The following DYRK1B variants were observed in gnomAD, a reference collection of about 807,000 sequenced individuals.
The protein encoded by DYRK1B is dual specificity tyrosine phosphorylation regulated kinase 1B.
A neutral mutation model predicts 57.1 loss-of-function variants in DYRK1B; 20 were observed. That is an observed-to-expected ratio of 0.35 (90% CI 0.25 to 0.51). DYRK1B has a LOEUF of 0.51. Ranked by LOEUF, DYRK1B falls within the 20% of genes least tolerant of loss-of-function variation. DYRK1B has a pLI of 0.96. For missense variants in DYRK1B, 732 were observed against 886.3 expected (o/e 0.83, Z 2.21); for synonymous variants, 409 against 384.7 (o/e 1.06, Z -0.74).
chr19:39,833,105 TTCTCCCCATGGGCCACTC>T, intron 1 of DYRK1B: 1 of 985,386 alleles, frequency 1.0e-6, no homozygotes, highest in Non-Finnish European at 1.2e-6. Context: ...AGCAAAAATC[TTCTCCCCATGGGCCACTC>T]TCTCCCCCAT....
In DYRK1B at chr19:39,829,973, T is replaced by C. The variant is rs761607041; in HGVS notation, c.427A>G (p.Lys143Glu). ...TGGTTCAGGAAAGCCTTTTTGTTCT[T>C]GATGATCTTGATGGCCACAAGCTCC... is the stretch of plus-strand genomic sequence containing the variant. ...TQELVAIKIIKNKKAFLNQAQ... is the reference protein window; with the variant it reads ...TQELVAIKIIENKKAFLNQAQ... The change falls in exon 5 of 11, where the codon AAG (lysine) becomes GAG (glutamate). Residue 143 changes from lysine (K) to glutamate (E), a missense_variant. Lys to Glu is a moderately conservative substitution (Grantham distance 56). Coordinates refer to ENST00000323039, the MANE Select transcript of DYRK1B (RefSeq NM_004714.3). The C allele has an allele frequency of 2.5e-6, 4 of 1,614,108 alleles. No individual in the cohort carries two copies. The highest frequency in any genetic ancestry group is 1.7e-5 in the Admixed American group (1 of 60,006).
Position 39,830,744 on chromosome 19 carries a change from G to A in DYRK1B, c.103C>T (p.Leu35=), listed in dbSNP as rs1426149333. ...GCTGAGGTTGCATCCCGGAAGGCCA[G>A]GGGCAGCCTCCGAGGCAGTAGCCGC... The part of the protein sequence containing the change: ...DVRLLPRRLP[L]AFRDATSAPL... Residue 35 remains leucine (L), a synonymous_variant, in exon 3 of 11, where the codon CTG becomes TTG. Transcript: ENST00000323039. The A allele has an allele frequency of 6.2e-7, 1 of 1,614,036 alleles. No individual in the cohort carries two copies. The highest frequency in any genetic ancestry group is 1.7e-5 in the Admixed American group (1 of 60,008).
At chr19:39,830,867 C>T (rs956924002) in intron 2 of DYRK1B, 84 bp from the exon 3 acceptor site, 1 of 1,473,708 alleles carries the variant, frequency 6.8e-7, no homozygotes, top group Non-Finnish European at 9.1e-7. Flanking sequence ...GCTGCTGGCA[C>T]ATCATGTATT....
At position 39,831,900 on chromosome 19, in the gene DYRK1B, C is replaced by A; in HGVS notation, c.-33G>T. On this transcript the variant is annotated 5_prime_UTR_variant, in exon 2 of 11. It adds an upstream start codon to the 5' untranslated region. Coordinates refer to ENST00000323039, the MANE Select transcript of DYRK1B (RefSeq NM_004714.3). ...TCAGAGGGCCGCAGGGGAGCGAGGC[C>A]TGGAGCGGGAGCCCGGCCGGGGGGC... 2 of 1,451,330 alleles carry A rather than the reference C, an allele frequency of 1.4e-6. No homozygotes were observed. The highest frequency in any genetic ancestry group is 1.4e-5 in the South Asian group (1 of 71,448). 89.9% of individuals were successfully genotyped at this position (1,451,330 alleles called of 1,614,324 possible).
chr19:39,831,813 G>A lies in DYRK1B; in HGVS notation c.55C>T (p.His19Tyr). Residue 19 changes from histidine (H) to tyrosine (Y), a missense_variant, in exon 2 of 11, where the codon CAC becomes TAC. His to Tyr is a moderately conservative substitution (Grantham distance 83, BLOSUM62 2). Coordinates refer to ENST00000323039, the MANE Select transcript of DYRK1B (RefSeq NM_004714.3). ...GCCAGCTGAACGCGTACCTGCGTGTGCTCCTGGGGCCCTGGGAAGCCAGAG... is the reference window on the plus strand; with the variant it reads ...GCCAGCTGAACGCGTACCTGCGTGTACTCCTGGGGCCCTGGGAAGCCAGAG... ...PFSGFPGPQEHTQVLPDVRLL... is the reference protein window; with the variant it reads ...PFSGFPGPQEYTQVLPDVRLL... The A allele has an allele frequency of 6.5e-7, 1 of 1,546,866 alleles. No homozygotes were observed. The highest frequency in any genetic ancestry group is 1.2e-5 in the South Asian group (1 of 83,766).
In DYRK1B at chr19:39,827,334, C is replaced by T. The variant is rs780262709; in HGVS notation, c.1046G>A (p.Arg349Gln). Reference sequence around the variant, plus strand: ...TAGGGTCCAGCCACCCCCAGGCAGCCGTTCAAAGTACTTGCGAGCCTTGGG... The same window carrying T: ...TAGGGTCCAGCCACCCCCAGGCAGCTGTTCAAAGTACTTGCGAGCCTTGGG... ...QAPKARKYFE[R>Q]LPGGGWTLRR... The change falls in exon 8 of 11, where the codon CGG (arginine) becomes CAG (glutamine). Residue 349 changes from arginine (R) to glutamine (Q), a missense_variant. Around this residue, in one of 2 missense-constraint regions of DYRK1B, gnomAD observed 510 missense variants for 681.3 expected, o/e 0.75. Coordinates refer to ENST00000323039, the MANE Select transcript of DYRK1B (RefSeq NM_004714.3). The T allele has an allele frequency of 7.4e-6, 12 of 1,613,776 alleles. No individual in the cohort carries two copies. The highest frequency in any genetic ancestry group is 3.3e-4 in the Middle Eastern group (2 of 6,056).
chr19:39,827,150 G>A, intron 8 of DYRK1B, 135 bp downstream of exon 8: 1 of 1,259,028 alleles, frequency 7.9e-7, no homozygotes, highest in South Asian at 1.5e-5. Context: ...GGGTGGGCAG[G>A]GGAGGAAGGA....
rs1453446172 is a variant in DYRK1B at position 39,827,763 on chromosome 19, G to A, written c.808-107C>T. The A allele has an allele frequency of 2.9e-6, 4 of 1,369,816 alleles. No individual in the cohort carries two copies. In the Admixed American group the frequency reaches 6.8e-5, roughly 23 times the overall value. 84.9% of individuals were successfully genotyped at this position (1,369,816 alleles called of 1,614,324 possible). On this transcript the variant is annotated intron_variant, in intron 6 of 10. Coordinates refer to ENST00000323039, the MANE Select transcript of DYRK1B (RefSeq NM_004714.3). ...AGGACAGGCTTCTTGCTGACAAAAT[G>A]GGGACTGAGGCTCCAAATCCTGCCA...
In DYRK1B at chr19:39,827,006, G is replaced by GT; in HGVS notation, c.1096-20_1096-19insA. ...GGTAATCCTGGCAGGGAGGGGGTGGGAGGGGGGGCAAGAGAGTGGCCGTCA... is the reference window on the plus strand; with the variant it reads ...GGTAATCCTGGCAGGGAGGGGGTGGGTAGGGGGGGCAAGAGAGTGGCCGTCA... On this transcript the variant is annotated intron_variant, in intron 8 of 10. Coordinates refer to ENST00000323039, the MANE Select transcript of DYRK1B (RefSeq NM_004714.3). The GT allele has an allele frequency of 7.2e-7, 1 of 1,383,328 alleles. No individual in the cohort carries two copies. Among genetic ancestry groups the GT allele is most frequent in the East Asian group, 2.8e-5 (1 of 35,480 alleles). The allele number at this position is 1,383,328 out of a possible 1,614,324, so 85.7% of individuals were successfully genotyped here. A position where few individuals can be genotyped will look rare whatever the true frequency, so the allele number is the denominator to read the frequency against.
chr19:39,833,063 T>C, intron 1 of DYRK1B: 8 of 985,300 alleles, frequency 8.1e-6, no homozygotes, highest in African/African-American at 1.7e-5. Context: ...AGTTATCACA[T>C]AGGGTTCTCT....
Position 39,825,818 on chromosome 19 carries a change from A to G in DYRK1B, c.1787T>C (p.Met596Thr). The change falls in exon 11 of 11, where the codon ATG becomes ACG. Residue 596 changes from methionine (M) to threonine (T), a missense_variant. Physicochemically the swap from Met to Thr is moderately conservative, Grantham distance 81. Around this residue, in one of 2 missense-constraint regions of DYRK1B, gnomAD observed 222 missense variants for 205.0 expected, o/e 1.08. Coordinates refer to ENST00000323039, the MANE Select transcript of DYRK1B (RefSeq NM_004714.3). ...CGGGAGGGGTGGACGACCTCCAGTC[A>G]TCCGAGTCCGGAGGGCTGAGGCAGC... ...HPAASALRTRMTGGRPPLPPP... is the reference protein window; with the variant it reads ...HPAASALRTRTTGGRPPLPPP... 1.2e-6 allele frequency: 2 copies of G among 1,606,872 alleles called. No homozygotes were observed. The highest frequency in any genetic ancestry group is 1.7e-6 in the Non-Finnish European group (2 of 1,177,254).
intron 6 of DYRK1B, 125 bp from the exon 7 acceptor site, chr19:39,827,781 T>C (rs878970528): frequency 2.8e-4 from 338 of 1,221,272 alleles, no homozygotes; most frequent in East Asian, 1.5e-4. Flanking sequence ...AGGCTCCAAA[T>C]CCTGCCATTA....
chr19:39,829,622 T>A (rs1347602554), intron 5 of DYRK1B: 2 of 399,232 alleles, frequency 5.0e-6, no homozygotes, highest in African/African-American at 4.1e-5. Flanking sequence ...TTATGGGCTG[T>A]GGTGAGTTAA....
In DYRK1B at chr19:39,828,747, G is replaced by A. The variant is rs367670608; in HGVS notation, c.521-164C>T. On this transcript the variant is annotated intron_variant, in intron 5 of 10. Coordinates refer to ENST00000323039, the MANE Select transcript of DYRK1B (RefSeq NM_004714.3). This position sits in a 1 kb window ranked among gnomAD's most constrained non-coding sequence, Gnocchi z 4.3. ...TTTATCTAACAACTAGATTCACACA[G>A]GAAGTTAATGCTCTTTCCAAGTCTC... Among the ~76,000 whole-genome samples, 3 of 152,140 alleles carry A rather than the reference G, an allele frequency of 2.0e-5. No homozygotes were observed. The highest frequency in any genetic ancestry group is 7.2e-5 in the African/African-American group (3 of 41,426).
chr19:39,829,521 C>T (rs769734321), intron 5 of DYRK1B, among the ~76,000 whole-genome samples: 3 of 152,124 alleles, frequency 2.0e-5, no homozygotes, highest in Non-Finnish European at 2.9e-5. Flanking sequence ...GCCACTGTGC[C>T]CAGCCCGTTT....
At chr19:39,830,107 G>A in intron 4 of DYRK1B, 80 bp from the exon 5 acceptor site, 1 of 1,549,884 alleles carries the variant, frequency 6.5e-7, no homozygotes, top group Admixed American at 1.9e-5. Flanking sequence ...TCCAGGCAAG[G>A]AGACCCACCA....
Position 39,826,123 on chromosome 19 carries a change from T to C in DYRK1B, c.1519-37A>G. ...AAGGAGCCATGGGTGATGGAGACCC[T>C]GGTCTCTAAGCCCCAGGCACCACCA... On this transcript the variant is annotated intron_variant, in intron 10 of 10. Transcript: ENST00000323039. The surrounding 1 kb of genome is among the most constrained non-coding windows in gnomAD (Gnocchi z 6.3). The C allele has an allele frequency of 1.9e-6, 3 of 1,555,340 alleles. No homozygotes were observed. The highest frequency in any genetic ancestry group is 1.7e-6 in the Non-Finnish European group (2 of 1,157,278).
chr19:39,828,556 C>T lies in DYRK1B; in HGVS notation c.548G>A (p.Arg183Gln), dbSNP rs922520369. ...CTCAAATACCAGGCACAGGTGGTTC[C>T]GGAACATGAAGTGCCGCTTCAGGTG... ...IVHLKRHFMF[R>Q]NHLCLVFELL... Residue 183 changes from arginine to glutamine, a missense_variant, in exon 6 of 11, where the codon CGG becomes CAG. Arg to Gln is a conservative substitution (Grantham distance 43). This residue lies in a region of DYRK1B where 510 missense variants were observed against 681.3 expected (regional missense o/e 0.75). Coordinates refer to ENST00000323039, the MANE Select transcript of DYRK1B (RefSeq NM_004714.3). The surrounding 1 kb of genome is among the most constrained non-coding windows in gnomAD (Gnocchi z 4.3). 5.0e-6 allele frequency: 8 copies of T among 1,610,308 alleles called. No individual in the cohort carries two copies. Among genetic ancestry groups the T allele is most frequent in the Non-Finnish European group, 6.8e-6 (8 of 1,177,190 alleles).
In DYRK1B at chr19:39,826,781, C is replaced by G; in HGVS notation, c.1302G>C (p.Thr434=). The G allele has an allele frequency of 1.9e-6, 3 of 1,560,794 alleles. No individual in the cohort carries two copies. In the South Asian group the frequency reaches 3.5e-5, roughly 18 times the overall value. The change falls in exon 9 of 11, where the codon ACG becomes ACC. Residue 434 remains threonine, a synonymous_variant. Coordinates refer to ENST00000323039, the MANE Select transcript of DYRK1B (RefSeq NM_004714.3). The surrounding 1 kb of genome is among the most constrained non-coding windows in gnomAD (Gnocchi z 6.3). ...GGCCCGTGTTGGTGGCCTCGTCGGC[C>G]GTGCGGCGGAAGAAGCCGTGCTGCA... ...GALQHGFFRR[T]ADEATNTGPA...
Sources: allele counts gnomAD v4.1 joint callset (sites outside exome capture counted in the v4.1 genomes callset), GRCh38; gene constraint gnomAD v4.1.1; regional missense constraint gnomAD v4.1.1; non-coding constraint Gnocchi (gnomAD v3.1); transcripts MANE v1.5; gene names NCBI Gene and HGNC (gene_info 2026-07-23, HGNC 2026-07-21).